UIMC1: variants seen among roughly 807,000 people sequenced by gnomAD.
UIMC1 encodes the protein ubiquitin interaction motif containing 1.
Under a neutral mutation model 84.9 loss-of-function variants are expected in UIMC1, and 42 were observed. The observed-to-expected ratio is 0.49, with a 90% CI of 0.39 to 0.64. The LOEUF (loss-of-function observed/expected upper bound fraction) is 0.64. UIMC1 is among the 30% of genes least tolerant of loss of function. The probability of loss-of-function intolerance (pLI) is 0.00; values close to 1 mark genes in which losing one functional copy is unlikely to be tolerated. For missense variants in UIMC1, 825 were observed against 847.6 expected (o/e 0.97, Z 0.33); for synonymous variants, 281 against 293.0 (o/e 0.96, Z 0.42).
chr5:176,993,825 T>C (rs1420504017), intron 1 of UIMC1, among the ~76,000 whole-genome samples: 3 of 151,760 alleles, frequency 2.0e-5, no homozygotes, highest in African/African-American at 7.3e-5. Context: ...CTGGTCAACA[T>C]GGTGAAACCC....
chr5:176,939,944 A>T (rs1263964155), intron 10 of UIMC1, among the ~76,000 whole-genome samples: 3 of 152,196 alleles, frequency 2.0e-5, no homozygotes, highest in Non-Finnish European at 2.9e-5. Context: ...ATCATGTCTG[A>T]AAGTCTGCGA....
intron 3 of UIMC1, among the ~76,000 whole-genome samples, chr5:176,974,223 G>C (rs992627267): frequency 6.6e-6 from 1 of 152,076 alleles, no homozygotes; most frequent in African/African-American, 2.4e-5. Flanking sequence ...ATGGCATAAT[G>C]ACAAACATAA....
At chr5:176,945,743 A>G (rs1258570195) in intron 9 of UIMC1, among the ~76,000 whole-genome samples, 4 of 152,216 alleles carry the variant, frequency 2.6e-5, no homozygotes, top group African/African-American at 9.6e-5. Context: ...TTTAGGGTTA[A>G]GCCATACTCC....
At chr5:176,926,025 C>T (rs1385759035) in intron 10 of UIMC1, among the ~76,000 whole-genome samples, 4 of 152,032 alleles carry the variant, frequency 2.6e-5, no homozygotes, top group Non-Finnish European at 5.9e-5. Flanking sequence ...TGTAATAAAA[C>T]ATAGTAAGAT....
intron 10 of UIMC1, among the ~76,000 whole-genome samples, chr5:176,912,471 TTTG>T (rs1351678511): frequency 1.5e-5 from 1 of 68,286 alleles, no homozygotes; most frequent in East Asian, 6.6e-4. Flanking sequence ...TTGACTGTTT[TTTG>T]TTTTTTTTTT....
At chr5:177,016,624 G>A (rs1775676041) in intron 1 of UIMC1, among the ~76,000 whole-genome samples, 1 of 151,824 alleles carries the variant, frequency 6.6e-6, no homozygotes, top group African/African-American at 2.4e-5. Context: ...CTGGGAGGCA[G>A]AGGTTGCAGT....
At chr5:177,005,760 G>C (rs1422650345) in intron 1 of UIMC1, among the ~76,000 whole-genome samples, 3 of 151,956 alleles carry the variant, frequency 2.0e-5, no homozygotes, top group Non-Finnish European at 4.4e-5. Context: ...CACTTTTTCC[G>C]GGTGTCATTT....
chr5:176,945,221 T>A (rs1185901263), intron 9 of UIMC1, among the ~76,000 whole-genome samples: 2 of 152,210 alleles, frequency 1.3e-5, no homozygotes, highest in Admixed American at 1.3e-4. Context: ...CTGGAAGTTC[T>A]AGGTGCTATG....
At chr5:176,978,658 A>G (rs1770535198) in intron 2 of UIMC1, among the ~76,000 whole-genome samples, 1 of 152,164 alleles carries the variant, frequency 6.6e-6, no homozygotes, top group African/African-American at 2.4e-5. Context: ...TTATATTAAC[A>G]TAACACATCA....
intron 7 of UIMC1, among the ~76,000 whole-genome samples, chr5:176,957,566 GGACA>G (rs777317836): frequency 3.2e-4 from 49 of 152,334 alleles, no homozygotes; most frequent in Middle Eastern, 3.4e-3. Context: ...AAGTGGCACA[GGACA>G]GACAGTGAGA....
At chr5:176,959,081 TAGTTG>T (rs1766974766) in intron 6 of UIMC1, among the ~76,000 whole-genome samples, 1 of 152,356 alleles carries the variant, frequency 6.6e-6, no homozygotes, top group East Asian at 1.9e-4. Context: ...AAATCAGGAA[TAGTTG>T]AGTTTTCAGT....
intron 10 of UIMC1, among the ~76,000 whole-genome samples, chr5:176,934,962 C>A (rs901503995): frequency 4.6e-5 from 7 of 152,226 alleles, no homozygotes; most frequent in South Asian, 2.1e-4. Flanking sequence ...TAAGCCCTAA[C>A]CAGACTTGCC....
chr5:176,967,509 G>A (rs756185709), intron 6 of UIMC1, among the ~76,000 whole-genome samples: 5 of 152,098 alleles, frequency 3.3e-5, no homozygotes, highest in Non-Finnish European at 5.9e-5. Flanking sequence ...GGCTGGCTAG[G>A]TGATAGGGAG....
At chr5:177,020,620 A>G (rs1389046533) in intron 1 of UIMC1, among the ~76,000 whole-genome samples, 1 of 152,028 alleles carries the variant, frequency 6.6e-6, no homozygotes, top group African/African-American at 2.4e-5. Context: ...TTTAGTAGAA[A>G]CGGAGTTTCA....
At chr5:176,920,274 C>T (rs1218445908) in intron 10 of UIMC1, among the ~76,000 whole-genome samples, 1 of 152,032 alleles carries the variant, frequency 6.6e-6, no homozygotes, top group Non-Finnish European at 1.5e-5. Flanking sequence ...GTGATCCGCC[C>T]ACCTCAGCCT....
chr5:176,957,710 AAG>A lies in UIMC1; in HGVS notation c.1262+381_1262+382del, dbSNP rs199752991. On this transcript the variant is annotated intron_variant, in intron 7 of 14. Coordinates refer to ENST00000511320, the MANE Select transcript of UIMC1 (RefSeq NM_001199298.2). Reference sequence around the variant, plus strand: ...AATAAGCATAAGCAGAGTTGGGGAAAAGAGAGAAAGGGGCTAAGAATAGAAGG... The same window carrying A: ...AATAAGCATAAGCAGAGTTGGGGAAAAGAGAAAGGGGCTAAGAATAGAAGG... Among the ~76,000 whole-genome samples, 1,386 of 152,354 alleles carry A rather than the reference AAG, an allele frequency of 9.1e-3. 8 individuals are homozygous for A. Among genetic ancestry groups the A allele is most frequent in the South Asian group, 0.025 (121 of 4,832 alleles).
At chr5:177,000,322 A>G (rs2149537393) in intron 1 of UIMC1, among the ~76,000 whole-genome samples, 1 of 152,174 alleles carries the variant, frequency 6.6e-6, no homozygotes, top group Non-Finnish European at 1.5e-5. Flanking sequence ...CATTCCCACC[A>G]ACAGTGTACA....
intron 1 of UIMC1, among the ~76,000 whole-genome samples, chr5:176,991,516 C>G (rs1292258573): frequency 1.3e-5 from 2 of 150,134 alleles, no homozygotes; most frequent in Non-Finnish European, 3.0e-5. Context: ...GTCGGGAGCT[C>G]AAGACCAGCC....
intron 1 of UIMC1, among the ~76,000 whole-genome samples, chr5:176,989,213 A>ATTC (rs1339146550): frequency 1.3e-5 from 2 of 152,188 alleles, no homozygotes; most frequent in Non-Finnish European, 2.9e-5. Context: ...CACTTAAAGG[A>ATTC]TTAAAAAATT....
Sources: allele counts gnomAD v4.1 joint callset (sites outside exome capture counted in the v4.1 genomes callset), GRCh38; gene constraint gnomAD v4.1.1; transcripts MANE v1.5; gene names NCBI Gene and HGNC (gene_info 2026-07-23, HGNC 2026-07-21).